Variants in DNAJC3 observed in about 807,000 individuals in gnomAD.
DNAJC3 encodes DnaJ heat shock protein family (Hsp40) member C3.
A neutral mutation model predicts 68.6 loss-of-function variants in DNAJC3; 38 were observed. The ratio of observed to expected loss-of-function variants is 0.55; its 90% CI spans 0.43 to 0.73. The LOEUF is 0.73. Ranked by LOEUF, DNAJC3 falls within the 30% of genes least tolerant of loss-of-function variation. The pLI is 0.00. For missense variants in DNAJC3, 526 were observed against 591.9 expected, an observed-to-expected ratio of 0.89 and a Z score of 1.16; for synonymous variants, 203 against 204.0, an observed-to-expected ratio of 1.00 and a Z score of 0.04.
rs753280443 is a variant in DNAJC3, at chr13:95,677,235, T to A, written c.-21T>A. 9.4e-6 allele frequency: 15 copies of A among 1,599,242 alleles called. No individual in the cohort carries two copies. In the South Asian group the frequency reaches 1.7e-4, roughly 18 times the overall value. On this transcript the variant is annotated 5_prime_UTR_variant, in exon 1 of 12. Coordinates refer to ENST00000602402, the MANE Select transcript of DNAJC3 (RefSeq NM_006260.5). ...GGTGGGCCACACACCTTTCCTCCTCTTCACTCGCGAGCCCTCGGACATGGT... is the reference window on the plus strand; with the variant it reads ...GGTGGGCCACACACCTTTCCTCCTCATCACTCGCGAGCCCTCGGACATGGT...
chr13:95,783,517 T>TTAC (rs1883511283), intron 9 of DNAJC3, among the ~76,000 whole-genome samples: 1 of 152,230 alleles, frequency 6.6e-6, no homozygotes, highest in Admixed American at 6.5e-5. Flanking sequence ...AAGTTAAACC[T>TTAC]TACTACTGTT....
At chr13:95,730,829 T>C (rs1329742279) in intron 4 of DNAJC3, among the ~76,000 whole-genome samples, 1 of 152,228 alleles carries the variant, frequency 6.6e-6, no homozygotes, top group Non-Finnish European at 1.5e-5. Flanking sequence ...GATTGTTTTT[T>C]CTATTTCTGT....
At chr13:95,715,642 C>T (rs1368754924) in intron 2 of DNAJC3, among the ~76,000 whole-genome samples, 2 of 151,918 alleles carry the variant, frequency 1.3e-5, no homozygotes, top group South Asian at 2.1e-4. Context: ...CATGCGCCAC[C>T]ATGCCCAGCT....
At chr13:95,779,119 C>CTTTTTTTTTTTTTTTTTTT (rs142933580) in intron 9 of DNAJC3, among the ~76,000 whole-genome samples, 3 of 97,974 alleles carry the variant, frequency 3.1e-5, no homozygotes, top group Admixed American at 1.2e-4. Context: ...TTTCTTCTTT[C>CTTTTTTTTTTTTTTTTTTT]TTTTTTTTTT....
intron 9 of DNAJC3, among the ~76,000 whole-genome samples, chr13:95,783,834 G>C (rs1378898791): frequency 6.6e-6 from 1 of 152,124 alleles, no homozygotes; most frequent in East Asian, 1.9e-4. Flanking sequence ...AAGAGGGCAG[G>C]ACTTATTGGG....
At chr13:95,717,851 T>C (rs1566481533) in intron 2 of DNAJC3, among the ~76,000 whole-genome samples, 1 of 152,128 alleles carries the variant, frequency 6.6e-6, no homozygotes, top group Non-Finnish European at 1.5e-5. Flanking sequence ...AAATACCCAG[T>C]CTTGGGTATG....
intron 2 of DNAJC3, among the ~76,000 whole-genome samples, chr13:95,710,651 C>T (rs903681944): frequency 6.6e-6 from 1 of 151,702 alleles, no homozygotes; most frequent in Non-Finnish European, 1.5e-5. Flanking sequence ...AGTTAACAAC[C>T]GAGGGTGGTG....
intron 4 of DNAJC3, among the ~76,000 whole-genome samples, chr13:95,726,535 A>G (rs1593982750): frequency 1.3e-5 from 2 of 152,320 alleles, no homozygotes; most frequent in South Asian, 2.1e-4. Context: ...TGTGAAACAC[A>G]TTCTTAAAAG....
chr13:95,706,904 C>T (rs1008319327), intron 1 of DNAJC3, among the ~76,000 whole-genome samples: 2 of 152,156 alleles, frequency 1.3e-5, no homozygotes, highest in African/African-American at 4.8e-5. Context: ...TCAGCTAAAT[C>T]AGCTCTAAGA....
chr13:95,685,330 C>T (rs1428188908), intron 1 of DNAJC3, among the ~76,000 whole-genome samples: 1 of 152,242 alleles, frequency 6.6e-6, no homozygotes, highest in Non-Finnish European at 1.5e-5. Context: ...TTAGCACGTG[C>T]ATGGGGCCCG....
intron 4 of DNAJC3, among the ~76,000 whole-genome samples, chr13:95,740,214 A>C (rs1308059307): frequency 6.6e-6 from 1 of 152,200 alleles, no homozygotes; most frequent in African/African-American, 2.4e-5. Context: ...CTCTCTTCAA[A>C]GCTGTCAGAC....
At chr13:95,746,646 T>C (rs1882315535) in intron 4 of DNAJC3, among the ~76,000 whole-genome samples, 1 of 152,230 alleles carries the variant, frequency 6.6e-6, no homozygotes, top group Non-Finnish European at 1.5e-5. Flanking sequence ...TATAAAAGTT[T>C]GATTGTTTTA....
At chr13:95,681,639 C>A (rs1879918065) in intron 1 of DNAJC3, among the ~76,000 whole-genome samples, 1 of 152,214 alleles carries the variant, frequency 6.6e-6, no homozygotes, top group Non-Finnish European at 1.5e-5. Flanking sequence ...CAGGCACGAG[C>A]CAATGCACCT....
intron 9 of DNAJC3, 26 bp downstream of exon 9, chr13:95,763,979 A>G: frequency 6.2e-7 from 1 of 1,608,512 alleles, no homozygotes; most frequent in Non-Finnish European, 8.5e-7. Context: ...TTTGATTTGC[A>G]GTACCGAAGT....
At position 95,683,761 on chromosome 13, in the gene DNAJC3, C is replaced by A. The variant is rs532333455; in HGVS notation, c.82+6424C>A. Reference sequence around the variant, plus strand: ...GCAAGATGGTGAAACCCCGTCTCTACTAAAAATACAAAAAAAAAAAAACTT... The same window carrying A: ...GCAAGATGGTGAAACCCCGTCTCTAATAAAAATACAAAAAAAAAAAAACTT... On this transcript the variant is annotated intron_variant, in intron 1 of 11. Coordinates refer to ENST00000602402, the MANE Select transcript of DNAJC3 (RefSeq NM_006260.5). 2.0e-5 allele frequency among the ~76,000 whole-genome samples: 3 copies of A among 150,108 alleles called. No individual in the cohort carries two copies. The South Asian group carries it at 6.3e-4, about 31-fold the overall frequency.
chr13:95,709,360 A>G (rs1566476833), intron 2 of DNAJC3, 23 bp downstream of exon 2: 1 of 1,549,114 alleles, frequency 6.5e-7, no homozygotes, highest in East Asian at 2.4e-5. Flanking sequence ...GAACCAAATC[A>G]CTCAGTGTCT....
At chr13:95,772,494 T>C (rs957046065) in intron 9 of DNAJC3, among the ~76,000 whole-genome samples, 1 of 152,240 alleles carries the variant, frequency 6.6e-6, no homozygotes, top group Non-Finnish European at 1.5e-5. Context: ...TACAATAAAG[T>C]ATGAGAGTTC....
rs933915157 is a variant in DNAJC3, at chr13:95,793,376, T to TAAAG, written c.*2348_*2351dup. The TAAAG allele has an allele frequency of 1.4e-4, 9 of 66,324 alleles. No individual in the cohort carries two copies. Among genetic ancestry groups the TAAAG allele is most frequent in the African/African-American group, 3.9e-4 (9 of 23,282 alleles). The allele number at this position is 66,324 out of a possible 1,614,324, so 4.1% of individuals were successfully genotyped here. A position where few individuals can be genotyped will look rare whatever the true frequency, so the allele number is the denominator to read the frequency against. On this transcript the variant is annotated 3_prime_UTR_variant, in exon 12 of 12. Transcript: ENST00000602402. Reference sequence around the variant, plus strand: ...GTGACTGAGAAGCAGCCTGGGTGTGTAAAGAGATAGTCATTCCCCCTGCCT... The same window carrying TAAAG: ...GTGACTGAGAAGCAGCCTGGGTGTGTAAAGAAAGAGATAGTCATTCCCCCTGCCT...
chr13:95,688,549 A>G (rs1449029678), intron 1 of DNAJC3, among the ~76,000 whole-genome samples: 1 of 149,476 alleles, frequency 6.7e-6, no homozygotes, highest in African/African-American at 2.5e-5. Context: ...AGAGTGTTAC[A>G]TTGTCCCCCA....
Sources: allele counts gnomAD v4.1 joint callset (sites outside exome capture counted in the v4.1 genomes callset), GRCh38; gene constraint gnomAD v4.1.1; transcripts MANE v1.5; gene names NCBI Gene and HGNC (gene_info 2026-07-23, HGNC 2026-07-21).